BORCS5: variants seen among roughly 807,000 people sequenced by gnomAD.
The protein encoded by BORCS5 is BLOC-1-related complex subunit 5.
Under a neutral mutation model 22.1 loss-of-function variants are expected in BORCS5, and 17 were observed. The ratio of observed to expected loss-of-function variants is 0.77; its 90% CI spans 0.53 to 1.15. The LOEUF (loss-of-function observed/expected upper bound fraction) is 1.15, where lower values mean the gene tolerates loss of function less well. BORCS5 is among the 50% of genes most tolerant of loss of function. BORCS5 has a pLI of 0.00. For missense variants in BORCS5, 247 were observed against 253.2 expected (o/e 0.98, Z 0.17); for synonymous variants, 117 against 99.8 (o/e 1.17, Z -1.03).
At chr12:12,401,661 T>C (rs1941479520) in intron 2 of BORCS5, among the ~76,000 whole-genome samples, 1 of 152,222 alleles carries the variant, frequency 6.6e-6, no homozygotes, top group Non-Finnish European at 1.5e-5. Context: ...TGTAGACCTA[T>C]GTAAAGTATA....
intron 2 of BORCS5, among the ~76,000 whole-genome samples, chr12:12,384,683 A>G (rs769652512): frequency 4.0e-5 from 6 of 150,930 alleles, no homozygotes; most frequent in Non-Finnish European, 5.9e-5. Context: ...TAATGTCTCT[A>G]CTTTTCCACC....
chr12:12,363,191 G>A (rs1565825325), intron 2 of BORCS5, among the ~76,000 whole-genome samples: 1 of 151,910 alleles, frequency 6.6e-6, no homozygotes, highest in African/African-American at 2.4e-5. Context: ...CAGCTAGTTG[G>A]GAAGCTGTTG....
chr12:12,375,728 G>C (rs1406210733), intron 2 of BORCS5, among the ~76,000 whole-genome samples: 1 of 152,236 alleles, frequency 6.6e-6, no homozygotes, highest in Non-Finnish European at 1.5e-5. Flanking sequence ...ACATTTTAAA[G>C]AATGCACTTG....
At chr12:12,462,970 A>G (rs553813875) in intron 3 of BORCS5, among the ~76,000 whole-genome samples, 146 of 152,272 alleles carry the variant, frequency 9.6e-4, no homozygotes, top group Admixed American at 2.0e-3. Flanking sequence ...TTGAATGGCT[A>G]TGGGTGCTCA....
chr12:12,452,643 A>G (rs1398158100), intron 3 of BORCS5, among the ~76,000 whole-genome samples: 1 of 152,222 alleles, frequency 6.6e-6, no homozygotes, highest in Non-Finnish European at 1.5e-5. Context: ...TACTGTCTTC[A>G]GAAACAAGGT....
chr12:12,360,918 G>T (rs1258282159), intron 1 of BORCS5, among the ~76,000 whole-genome samples: 2 of 151,908 alleles, frequency 1.3e-5, no homozygotes, highest in Admixed American at 1.3e-4. Context: ...ACAGGGTTTC[G>T]CCATGTTGGC....
At chr12:12,395,633 T>C (rs1941320080) in intron 2 of BORCS5, among the ~76,000 whole-genome samples, 1 of 151,748 alleles carries the variant, frequency 6.6e-6, no homozygotes, top group African/African-American at 2.4e-5. Flanking sequence ...TCCTAAAGGA[T>C]AGGGAAAGGA....
chr12:12,394,981 C>T (rs1311105262), intron 2 of BORCS5, among the ~76,000 whole-genome samples: 2 of 151,940 alleles, frequency 1.3e-5, no homozygotes, highest in African/African-American at 4.8e-5. Flanking sequence ...AGTCCAAAGG[C>T]CGGATGGTTT....
At chr12:12,451,220 G>A (rs572157073) in intron 3 of BORCS5, among the ~76,000 whole-genome samples, 13 of 151,550 alleles carry the variant, frequency 8.6e-5, no homozygotes, top group African/African-American at 3.2e-4. Flanking sequence ...GAGTCAGAGG[G>A]TTGTAAAAAA....
chr12:12,378,178 C>T (rs1446972132), intron 2 of BORCS5, among the ~76,000 whole-genome samples: 1 of 152,180 alleles, frequency 6.6e-6, no homozygotes, highest in Non-Finnish European at 1.5e-5. Context: ...TTGAGACCAG[C>T]CTGGCCAGCA....
intron 2 of BORCS5, among the ~76,000 whole-genome samples, chr12:12,404,112 G>T (rs1048775997): frequency 1.3e-5 from 2 of 152,140 alleles, no homozygotes; most frequent in African/African-American, 4.8e-5. Context: ...ACAGAAATGA[G>T]CTCATTTATT....
In BORCS5 at chr12:12,435,313, G is replaced by A. The variant is rs528027075; in HGVS notation, c.203-315G>A. On this transcript the variant is annotated intron_variant, in intron 2 of 3. Coordinates refer to ENST00000314565, the MANE Select transcript of BORCS5 (RefSeq NM_058169.6). ...CTGTTCTTGGAGAAACCACTTACTA[G>A]CTATGTGACGTTTGGAAAGTTACTT... Among the ~76,000 whole-genome samples the A allele has an allele frequency of 2.6e-5, 4 of 152,308 alleles. No homozygotes were observed. The East Asian group carries it at 5.8e-4, about 22-fold the overall frequency.
chr12:12,406,416 G>T (rs1282115257), intron 2 of BORCS5, among the ~76,000 whole-genome samples: 2 of 152,138 alleles, frequency 1.3e-5, no homozygotes, highest in African/African-American at 2.4e-5. Context: ...TCTGATCAGG[G>T]CGTCTTCTCC....
chr12:12,465,512 CA>C, intron 3 of BORCS5, 33 bp from the exon 4 acceptor site: 1 of 1,590,956 alleles, frequency 6.3e-7, no homozygotes, highest in Middle Eastern at 1.7e-4. Flanking sequence ...CTTGATTAAA[CA>C]AGGTATAATG....
intron 2 of BORCS5, among the ~76,000 whole-genome samples, chr12:12,387,314 T>C (rs1378182260): frequency 6.6e-6 from 1 of 151,554 alleles, no homozygotes; most frequent in East Asian, 1.9e-4. Context: ...CAACATAAGT[T>C]TTGTGGCAGT....
chr12:12,406,641 CA>C (rs1349924376), intron 2 of BORCS5, among the ~76,000 whole-genome samples: 1 of 95,536 alleles, frequency 1.0e-5, no homozygotes. Flanking sequence ...AAAAAACAAA[CA>C]AACAAAAAAA....
chr12:12,417,038 G>C (rs999437860), intron 2 of BORCS5, among the ~76,000 whole-genome samples: 1 of 151,374 alleles, frequency 6.6e-6, no homozygotes, highest in Non-Finnish European at 1.5e-5. Flanking sequence ...TGATCCACCC[G>C]CCTTGGCCTC....
At chr12:12,399,343 T>C (rs2136070427) in intron 2 of BORCS5, among the ~76,000 whole-genome samples, 1 of 152,250 alleles carries the variant, frequency 6.6e-6, no homozygotes, top group African/African-American at 2.4e-5. Flanking sequence ...GTTTCTTACG[T>C]AGCCCACTAT....
chr12:12,408,177 C>A (rs1941636802), intron 2 of BORCS5, among the ~76,000 whole-genome samples: 1 of 151,970 alleles, frequency 6.6e-6, no homozygotes, highest in Admixed American at 6.6e-5. Flanking sequence ...GTGTATATAC[C>A]ACATTTTGTT....
Sources: gnomAD v4.1 joint callset for allele counts (sites outside exome capture counted in the v4.1 genomes callset) on GRCh38, gnomAD v4.1.1 for gene constraint, MANE v1.5 for transcripts, NCBI Gene and HGNC (gene_info 2026-07-23, HGNC 2026-07-21) for gene names.